IL1RAPL1: variants seen among roughly 807,000 people sequenced by gnomAD.
IL1RAPL1 encodes interleukin 1 receptor accessory protein like 1.
IL1RAPL1 carries 3 observed loss-of-function variants against 48.4 expected under a neutral mutation model. The observed-to-expected ratio is 0.06, with a 90% CI of 0.03 to 0.16. The LOEUF (loss-of-function observed/expected upper bound fraction) is 0.16. Among genes scored for constraint, IL1RAPL1 ranks in the 10% least tolerant of loss-of-function variants. IL1RAPL1 has a pLI of 1.00. For synonymous variants in IL1RAPL1, 185 were observed against 187.7 expected (o/e 0.99, Z 0.12); for missense variants, 349 against 530.6 (o/e 0.66, Z 3.36).
intron 6 of IL1RAPL1, among the ~76,000 whole-genome samples, chrX:29,699,246 G>A (rs763452017): frequency 8.9e-6 from 1 of 112,245 alleles, no homozygotes; most frequent in South Asian, 3.7e-4. Flanking sequence ...AATGATTTCT[G>A]AACTGGTTTA....
At chrX:29,276,511 T>C (rs1224597377) in intron 2 of IL1RAPL1, among the ~76,000 whole-genome samples, 1 of 111,859 alleles carries the variant, frequency 8.9e-6, no homozygotes, top group East Asian at 2.8e-4. Context: ...CAAACAATAG[T>C]TATAAGCGAT....
intron 1 of IL1RAPL1, among the ~76,000 whole-genome samples, chrX:28,694,347 A>G (rs1935208552): frequency 8.9e-6 from 1 of 112,077 alleles, no homozygotes; most frequent in Non-Finnish European, 1.9e-5. Flanking sequence ...CTAATTTCGT[A>G]AATTAACCAT....
chrX:28,695,623 A>G (rs1161855608), intron 1 of IL1RAPL1, among the ~76,000 whole-genome samples: 1 of 111,961 alleles, frequency 8.9e-6, no homozygotes, highest in Admixed American at 9.5e-5. Context: ...TACCTTTATC[A>G]TCTTCAGAAG....
intron 2 of IL1RAPL1, among the ~76,000 whole-genome samples, chrX:29,063,986 A>T (rs1186926027): frequency 8.9e-6 from 1 of 112,018 alleles, no homozygotes; most frequent in Non-Finnish European, 1.9e-5. Context: ...TGCCACACTG[A>T]TTCTTTGCCT....
intron 5 of IL1RAPL1, among the ~76,000 whole-genome samples, chrX:29,665,056 T>C (rs747370490): frequency 2.9e-4 from 33 of 112,620 alleles, no homozygotes; most frequent in Non-Finnish European, 4.5e-4. Flanking sequence ...CTTTTGTTGG[T>C]GAATACAAAG....
chrX:28,720,842 C>T (rs1202857755), intron 1 of IL1RAPL1, among the ~76,000 whole-genome samples: 1 of 111,581 alleles, frequency 9.0e-6, no homozygotes, highest in Non-Finnish European at 1.9e-5. Flanking sequence ...TGAGTGAGAA[C>T]ATGTGGTGTT....
intron 3 of IL1RAPL1, among the ~76,000 whole-genome samples, chrX:29,325,266 A>T (rs1932835881): frequency 8.9e-6 from 1 of 112,425 alleles, no homozygotes. Flanking sequence ...TTTGTCACAT[A>T]GTAAGCACTA....
intron 5 of IL1RAPL1, among the ~76,000 whole-genome samples, chrX:29,444,466 T>C (rs899276965): frequency 9.0e-5 from 10 of 110,762 alleles, no homozygotes; most frequent in Non-Finnish European, 1.5e-4. Flanking sequence ...CCCAGCACTT[T>C]GGGAGGGTAA....
intron 5 of IL1RAPL1, among the ~76,000 whole-genome samples, chrX:29,635,383 C>T (rs761572005): frequency 3.6e-5 from 4 of 111,863 alleles, no homozygotes; most frequent in Non-Finnish European, 7.5e-5. Context: ...ACTGACTTCT[C>T]AGGAGCAACA....
chrX:29,918,505 C>CAA (rs1186602092), intron 7 of IL1RAPL1, among the ~76,000 whole-genome samples: 46 of 38,044 alleles, frequency 1.2e-3, no homozygotes, highest in African/African-American at 3.7e-3. Context: ...AACTCTGTCT[C>CAA]AAAAAAAAAA....
chrX:29,046,685 T>A (rs1481704912), intron 2 of IL1RAPL1, among the ~76,000 whole-genome samples: 5 of 111,839 alleles, frequency 4.5e-5, no homozygotes, highest in African/African-American at 1.6e-4. Context: ...TTGGTCTTAC[T>A]CAGCACTGTC....
At chrX:29,028,690 A>T (rs1373544017) in intron 2 of IL1RAPL1, among the ~76,000 whole-genome samples, 1 of 111,164 alleles carries the variant, frequency 9.0e-6, no homozygotes, top group African/African-American at 3.3e-5. Context: ...TTAACACAAT[A>T]ACACAATATC....
intron 2 of IL1RAPL1, among the ~76,000 whole-genome samples, chrX:29,046,351 A>C (rs772070045): frequency 2.7e-5 from 3 of 111,619 alleles, no homozygotes; most frequent in Non-Finnish European, 5.6e-5. Flanking sequence ...CCAAGTGGCC[A>C]TATCATTGGA....
chrX:29,840,150 G>A (rs887256034), intron 6 of IL1RAPL1, among the ~76,000 whole-genome samples: 6 of 111,372 alleles, frequency 5.4e-5, no homozygotes, highest in African/African-American at 2.0e-4. Flanking sequence ...TCTTAAAGTC[G>A]GCTTGACATT....
chrX:28,618,685 A>T (rs959700370), intron 1 of IL1RAPL1, among the ~76,000 whole-genome samples: 1 of 112,228 alleles, frequency 8.9e-6, no homozygotes, highest in Non-Finnish European at 1.9e-5. Flanking sequence ...AATTGTAAAC[A>T]TATTTTTATA....
At chrX:29,406,214 C>G (rs934706210) in intron 5 of IL1RAPL1, among the ~76,000 whole-genome samples, 1 of 110,867 alleles carries the variant, frequency 9.0e-6, no homozygotes, top group Non-Finnish European at 1.9e-5. Context: ...ATGGTGGAAC[C>G]CTGTCTCTAC....
intron 2 of IL1RAPL1, among the ~76,000 whole-genome samples, chrX:29,080,922 T>C (rs1327364321): frequency 1.1e-5 from 1 of 89,524 alleles, no homozygotes; most frequent in African/African-American, 4.7e-5. Context: ...TTTTTAAATA[T>C]TTTTTCTTTC....
chrX:29,176,186 C>T (rs1417173630), intron 2 of IL1RAPL1, among the ~76,000 whole-genome samples: 3 of 105,391 alleles, frequency 2.8e-5, no homozygotes, highest in Admixed American at 2.1e-4. Context: ...CTCCACCTCC[C>T]GGGTTCACGC....
intron 1 of IL1RAPL1, among the ~76,000 whole-genome samples, chrX:28,632,706 G>A (rs1030940501): frequency 1.7e-4 from 19 of 110,275 alleles, no homozygotes; most frequent in African/African-American, 6.3e-4. Context: ...ATTATTTTAG[G>A]GAAAATAACT....
Sources: allele counts gnomAD v4.1 joint callset (sites outside exome capture counted in the v4.1 genomes callset), GRCh38; gene constraint gnomAD v4.1.1; transcripts MANE v1.5; gene names NCBI Gene and HGNC (gene_info 2026-07-23, HGNC 2026-07-21).